The following ITGAM variants were observed in gnomAD, a reference collection of about 807,000 sequenced individuals.
ITGAM encodes integrin alpha-M.
A neutral mutation model predicts 137.5 loss-of-function variants in ITGAM; 79 were observed. The observed-to-expected ratio is 0.57, with a 90% confidence interval of 0.48 to 0.69. The LOEUF (loss-of-function observed/expected upper bound fraction) is 0.69. ITGAM is among the 30% of genes least tolerant of loss of function. The probability of loss-of-function intolerance (pLI) is 0.00; values close to 1 mark genes in which losing one functional copy is unlikely to be tolerated. For missense variants in ITGAM, 1,343 were observed against 1,483.5 expected (o/e 0.91, Z 1.56); for synonymous variants, 583 against 592.3 (o/e 0.98, Z 0.23).
intron 12 of ITGAM, among the ~76,000 whole-genome samples, chr16:31,292,035 A>G (rs1052596878): frequency 6.6e-6 from 1 of 152,102 alleles, no homozygotes; most frequent in Non-Finnish European, 1.5e-5. Context: ...GCTTGTATAA[A>G]AATATCACAT....
intron 14 of ITGAM, among the ~76,000 whole-genome samples, chr16:31,306,475 T>C (rs925628052): frequency 7.2e-5 from 11 of 151,972 alleles, no homozygotes; most frequent in Admixed American, 7.2e-4. Context: ...CCTTCACAGC[T>C]AATGGCAATA....
chr16:31,265,576 T>C (rs745991920), intron 3 of ITGAM, 78 bp downstream of exon 3: 76 of 982,006 alleles, frequency 7.7e-5, no homozygotes, highest in Non-Finnish European at 1.1e-4. Flanking sequence ...TCCTGTGTCC[T>C]GGGGATCTGT....
intron 14 of ITGAM, among the ~76,000 whole-genome samples, chr16:31,303,667 T>C (rs1010565967): frequency 1.3e-5 from 2 of 152,178 alleles, no homozygotes; most frequent in Non-Finnish European, 2.9e-5. Flanking sequence ...TGCATCCTTA[T>C]AGTTTAGCTC....
chr16:31,301,554 T>C (rs1016672779), intron 14 of ITGAM, among the ~76,000 whole-genome samples: 21 of 152,198 alleles, frequency 1.4e-4, no homozygotes, highest in Non-Finnish European at 2.9e-4. Context: ...AGAAAACCCA[T>C]TGATGTTGAT....
chr16:31,306,568 C>T (rs964344515), intron 14 of ITGAM, among the ~76,000 whole-genome samples: 2 of 150,400 alleles, frequency 1.3e-5, no homozygotes, highest in South Asian at 2.1e-4. Context: ...CACTGGAGTA[C>T]AGTGGCATGA....
intron 5 of ITGAM, among the ~76,000 whole-genome samples, chr16:31,268,669 T>C (rs1278010638): frequency 1.3e-5 from 2 of 152,196 alleles, no homozygotes; most frequent in African/African-American, 4.8e-5. Flanking sequence ...TGGCTCCCCA[T>C]TGCCTACAGA....
At chr16:31,284,852 A>G (rs2080011116) in intron 12 of ITGAM, among the ~76,000 whole-genome samples, 1 of 150,872 alleles carries the variant, frequency 6.6e-6, no homozygotes. Flanking sequence ...CCATCTTGGA[A>G]CCTCCTCTGC....
chr16:31,304,322 TC>T (rs1255584441), intron 14 of ITGAM, among the ~76,000 whole-genome samples: 3 of 152,220 alleles, frequency 2.0e-5, no homozygotes, highest in African/African-American at 7.2e-5. Flanking sequence ...ATTTGTTTTT[TC>T]CTTGCTGATT....
At chr16:31,269,874 G>A (rs1347890863) in intron 5 of ITGAM, among the ~76,000 whole-genome samples, 1 of 152,156 alleles carries the variant, frequency 6.6e-6, no homozygotes, top group Admixed American at 6.5e-5. Context: ...CCTCCCTCTA[G>A]TCTTCTGTTG....
chr16:31,309,698 A>T (rs2080303011), intron 14 of ITGAM, among the ~76,000 whole-genome samples: 1 of 152,106 alleles, frequency 6.6e-6, no homozygotes. Context: ...TGTCATTATG[A>T]TGTTAGCTGG....
rs1374542427 is a variant in ITGAM at position 31,332,676 on chromosome 16, GCTT to G, written c.*970_*972del. Reference sequence around the variant, plus strand: ...CATACTTTATATTGGTCTGTATCTTGCTTTTTTTCACCAATATTTCTCAGACAT... The same window carrying G: ...CATACTTTATATTGGTCTGTATCTTGTTTTTCACCAATATTTCTCAGACAT... On this transcript the variant is annotated 3_prime_UTR_variant, in exon 30 of 30. Coordinates refer to ENST00000544665, the MANE Select transcript of ITGAM (RefSeq NM_000632.4). The G allele has an allele frequency of 1.3e-5, 2 of 152,198 alleles. No individual in the cohort carries two copies. The highest frequency in any genetic ancestry group is 2.9e-5 in the Non-Finnish European group (2 of 68,026). 9.4% of individuals were successfully genotyped at this position (152,198 alleles called of 1,614,324 possible). A position where few individuals can be genotyped will look rare whatever the true frequency, so the allele number is the denominator to read the frequency against.
chr16:31,297,834 C>A lies in ITGAM; in HGVS notation c.1587C>A (p.Asp529Glu). Residue 529 changes from aspartate (D) to glutamate (E), a missense_variant, in exon 14 of 30, where the codon GAC becomes GAA. By Grantham distance (45) the Asp-to-Glu change is conservative (BLOSUM62 2). Coordinates refer to ENST00000544665, the MANE Select transcript of ITGAM (RefSeq NM_000632.4). ...RFGAALTVLGDVNGDKLTDVA... is the reference protein window; with the variant it reads ...RFGAALTVLGEVNGDKLTDVA... ...GGGCAGCCCTAACAGTGCTGGGGGA[C>A]GTAAATGGGGACAAGCTGACGGACG... is the stretch of plus-strand genomic sequence containing the variant. The A allele has an allele frequency of 6.2e-7, 1 of 1,613,540 alleles. No homozygotes were observed. The highest frequency in any genetic ancestry group is 1.3e-5 in the African/African-American group (1 of 74,934).
At chr16:31,294,982 C>G (rs1311514369) in intron 12 of ITGAM, among the ~76,000 whole-genome samples, 1 of 152,108 alleles carries the variant, frequency 6.6e-6, no homozygotes, top group Non-Finnish European at 1.5e-5. Context: ...AAGAGAATGT[C>G]CTTTCTCCTT....
intron 12 of ITGAM, among the ~76,000 whole-genome samples, chr16:31,280,850 G>T (rs1198658952): frequency 6.6e-6 from 1 of 152,232 alleles, no homozygotes; most frequent in Non-Finnish European, 1.5e-5. Context: ...TATTGGCTGC[G>T]GGTTTGTCAT....
rs755264384 is a variant in ITGAM, at chr16:31,276,625, C to G, written c.1010-46C>G. 6.3e-6 allele frequency: 9 copies of G among 1,421,260 alleles called. No homozygotes were observed. The South Asian group carries it at 1.1e-4, about 17-fold the overall frequency. 88.0% of individuals were successfully genotyped at this position (1,421,260 alleles called of 1,614,324 possible). A position where few individuals can be genotyped will look rare whatever the true frequency, so the allele number is the denominator to read the frequency against. Reference sequence around the variant, plus strand: ...GGGATTACAGGCGTGAGCCACCATGCCCGGCCTTCTGCTTTCTTTAATATA... The same window carrying G: ...GGGATTACAGGCGTGAGCCACCATGGCCGGCCTTCTGCTTTCTTTAATATA... On this transcript the variant is annotated intron_variant, in intron 9 of 29. Coordinates refer to ENST00000544665, the MANE Select transcript of ITGAM (RefSeq NM_000632.4).
intron 22 of ITGAM, among the ~76,000 whole-genome samples, chr16:31,327,577 G>C (rs1248967033): frequency 1.3e-5 from 2 of 151,700 alleles, no homozygotes; most frequent in Non-Finnish European, 2.9e-5. Context: ...CTGGGCAATA[G>C]AGTGAGACCC....
Position 31,261,707 on chromosome 16 carries a change from A to G in ITGAM, c.44A>G (p.His15Arg), listed in dbSNP as rs1457669817. The G allele has an allele frequency of 2.5e-6, 4 of 1,611,570 alleles. No homozygotes were observed. The highest frequency in any genetic ancestry group is 4.5e-5 in the East Asian group (2 of 44,800). Reference sequence around the variant, plus strand: ...CTCCCTTTAGCCTTGACCTTATGTCATGGGTTCAACTTGGACACTGAAAAC... The same window carrying G: ...CTCCCTTTAGCCTTGACCTTATGTCGTGGGTTCAACTTGGACACTGAAAAC... ...VLLLTALTLC[H>R]GFNLDTENAM... The change falls in exon 2 of 30, where the codon CAT (histidine) becomes CGT (arginine). Residue 15 changes from histidine (H) to arginine (R), a missense_variant. By Grantham distance (29) the His-to-Arg change is conservative. Coordinates refer to ENST00000544665, the MANE Select transcript of ITGAM (RefSeq NM_000632.4).
intron 23 of ITGAM, 155 bp from the exon 24 acceptor site, chr16:31,329,073 T>TCGCCC: frequency 2.3e-6 from 1 of 426,236 alleles, no homozygotes; most frequent in Non-Finnish European, 4.5e-6. Flanking sequence ...ACACATTGGT[T>TCGCCC]CCCCCATCCC....
chr16:31,324,795 T>A lies in ITGAM; in HGVS notation c.2289+13T>A. 6.5e-7 allele frequency: 1 copy of A among 1,550,276 alleles called. No individual in the cohort carries two copies. The highest frequency in any genetic ancestry group is 1.3e-5 in the South Asian group (1 of 79,144). ...CTTCACAGCCTTGGTGAGTCCAGAG[T>A]TGGGGTCCTGCAGGGGTGTGGAAGA... On this transcript the variant is annotated intron_variant, in intron 18 of 29. Coordinates refer to ENST00000544665, the MANE Select transcript of ITGAM (RefSeq NM_000632.4). This position sits in a 1 kb window ranked among gnomAD's most constrained non-coding sequence, Gnocchi z 4.5.
Sources: allele counts gnomAD v4.1 joint callset (sites outside exome capture counted in the v4.1 genomes callset), GRCh38; gene constraint gnomAD v4.1.1; non-coding constraint Gnocchi (gnomAD v3.1); transcripts MANE v1.5; gene names NCBI Gene and HGNC (gene_info 2026-07-23, HGNC 2026-07-21).